Variants in LUZP2 observed in about 807,000 individuals in gnomAD.
The protein encoded by LUZP2 is leucine zipper protein 2.
LUZP2 carries 52 observed loss-of-function variants against 51.6 expected under a neutral mutation model. The ratio of observed to expected loss-of-function variants is 1.01; its 90% CI spans 0.81 to 1.27. The LOEUF (loss-of-function observed/expected upper bound fraction) is 1.27, where lower values mean the gene tolerates loss of function less well. Ranked by LOEUF, LUZP2 falls within the 50% of genes most tolerant of loss-of-function variation. The probability of loss-of-function intolerance (pLI) is 0.00; values close to 1 mark genes in which losing one functional copy is unlikely to be tolerated. For synonymous variants in LUZP2, 154 were observed against 137.3 expected, an observed-to-expected ratio of 1.12 and a Z score of -0.85; for missense variants, 436 against 395.4, an observed-to-expected ratio of 1.10 and a Z score of -0.87.
chr11:24,927,654 GT>G (rs1854318515), intron 7 of LUZP2, among the ~76,000 whole-genome samples: 1 of 152,018 alleles, frequency 6.6e-6, no homozygotes, highest in African/African-American at 2.4e-5. Context: ...TTAGAGTATA[GT>G]TTGAAGTCAG....
intron 1 of LUZP2, among the ~76,000 whole-genome samples, chr11:24,597,565 A>G (rs1466397051): frequency 6.6e-6 from 1 of 152,236 alleles, no homozygotes; most frequent in Non-Finnish European, 1.5e-5. Context: ...ATGCTTCCAG[A>G]AGATAATAAC....
intron 5 of LUZP2, among the ~76,000 whole-genome samples, chr11:24,877,520 T>C (rs549331599): frequency 1.3e-5 from 2 of 152,242 alleles, no homozygotes; most frequent in South Asian, 4.2e-4. Context: ...AACAGAGGCA[T>C]GCAATGTAAA....
intron 1 of LUZP2, among the ~76,000 whole-genome samples, chr11:24,534,457 G>C: frequency 6.8e-6 from 1 of 147,810 alleles, no homozygotes; most frequent in East Asian, 2.0e-4. Context: ...TAGAAAGATA[G>C]AGCATAAGCT....
chr11:24,587,859 A>G (rs957983870), intron 1 of LUZP2, among the ~76,000 whole-genome samples: 1 of 152,096 alleles, frequency 6.6e-6, no homozygotes. Context: ...CATATTATAC[A>G]GATGTGTCAG....
chr11:24,695,734 T>C (rs1432903851), intron 1 of LUZP2, among the ~76,000 whole-genome samples: 2 of 152,084 alleles, frequency 1.3e-5, no homozygotes. Flanking sequence ...ATACATTGTA[T>C]GAGTTACTTT....
intron 7 of LUZP2, among the ~76,000 whole-genome samples, chr11:24,946,173 C>T (rs569700897): frequency 2.7e-4 from 41 of 151,720 alleles, no homozygotes; most frequent in Non-Finnish European, 4.0e-4. Flanking sequence ...TATAATATTC[C>T]ATTGGGTGGA....
chr11:25,072,484 A>G (rs1296189167), intron 10 of LUZP2, among the ~76,000 whole-genome samples: 3 of 152,090 alleles, frequency 2.0e-5, no homozygotes, highest in Admixed American at 6.6e-5. Flanking sequence ...AATTTATTAG[A>G]TTGTCTATAT....
rs1003535558 is a variant in LUZP2, at chr11:24,538,668, G to GTGTA, written c.62+41364_62+41365insGTAT. ...GTTTTTTATATGTGTGTGTGTGTGT[G>GTGTA]TATATATATATATAAAACTTTCAAA... On this transcript the variant is annotated intron_variant, in intron 1 of 11. Coordinates refer to ENST00000336930, the MANE Select transcript of LUZP2 (RefSeq NM_001009909.4). Among the ~76,000 whole-genome samples, 47 of 133,322 alleles carry GTGTA rather than the reference G, an allele frequency of 3.5e-4. No individual in the cohort carries two copies. The East Asian group carries it at 6.7e-3, about 19-fold the overall frequency. The allele number at this position is 133,322 out of a possible 152,430, so 87.5% of individuals were successfully genotyped here.
intron 3 of LUZP2, 97 bp from the exon 4 acceptor site, chr11:24,738,123 TA>T: frequency 1.3e-6 from 1 of 788,048 alleles, no homozygotes; most frequent in Non-Finnish European, 2.0e-6. Flanking sequence ...GTCTATGTCC[TA>T]AATGTATACA....
chr11:24,551,592 G>A (rs926532949), intron 1 of LUZP2, among the ~76,000 whole-genome samples: 1 of 151,930 alleles, frequency 6.6e-6, no homozygotes, highest in African/African-American at 2.4e-5. Flanking sequence ...GATGGTGTGT[G>A]AAATGTATTT....
intron 1 of LUZP2, among the ~76,000 whole-genome samples, chr11:24,518,640 G>T (rs1269652118): frequency 2.0e-5 from 3 of 152,032 alleles, no homozygotes; most frequent in African/African-American, 7.3e-5. Context: ...CATTTATTAG[G>T]GTTGTTTTCT....
chr11:24,767,208 CA>C (rs1482293093), intron 5 of LUZP2, among the ~76,000 whole-genome samples: 1 of 152,092 alleles, frequency 6.6e-6, no homozygotes, highest in Non-Finnish European at 1.5e-5. Context: ...TTCCTATATG[CA>C]AAATTGGACT....
chr11:24,881,710 G>C (rs943464962), intron 5 of LUZP2, among the ~76,000 whole-genome samples: 1 of 151,862 alleles, frequency 6.6e-6, no homozygotes. Flanking sequence ...ATGGAATAAA[G>C]TGTTTGTTAA....
intron 5 of LUZP2, among the ~76,000 whole-genome samples, chr11:24,905,733 T>C (rs1003753259): frequency 3.3e-5 from 5 of 152,112 alleles, no homozygotes; most frequent in African/African-American, 1.2e-4. Flanking sequence ...ATATCAATTA[T>C]CTTTTCTCCC....
At chr11:24,550,200 G>A (rs1851685026) in intron 1 of LUZP2, among the ~76,000 whole-genome samples, 1 of 152,016 alleles carries the variant, frequency 6.6e-6, no homozygotes, top group African/African-American at 2.4e-5. Flanking sequence ...TGCTATAAAT[G>A]TCAGTGTGTT....
chr11:24,962,247 A>T (rs186567354), intron 7 of LUZP2, among the ~76,000 whole-genome samples: 12 of 152,180 alleles, frequency 7.9e-5, no homozygotes, highest in African/African-American at 2.4e-4. Flanking sequence ...CTTCGCGAGG[A>T]GTAGAAGAGC....
chr11:24,864,792 G>A (rs1305436436), intron 5 of LUZP2, among the ~76,000 whole-genome samples: 3 of 152,126 alleles, frequency 2.0e-5, no homozygotes, highest in African/African-American at 4.8e-5. Context: ...CTCAAGGTAC[G>A]GAGAACTAAG....
chr11:24,728,087 T>C (rs905464704), intron 1 of LUZP2, among the ~76,000 whole-genome samples: 6 of 152,018 alleles, frequency 3.9e-5, no homozygotes, highest in Non-Finnish European at 8.8e-5. Context: ...AAGTTAACTG[T>C]TACATTTTAC....
chr11:24,568,884 T>C (rs566783392), intron 1 of LUZP2, among the ~76,000 whole-genome samples: 13 of 152,124 alleles, frequency 8.5e-5, no homozygotes, highest in South Asian at 2.1e-4. Context: ...CTAAGAGACA[T>C]AGTAATACAT....
Sources: allele counts gnomAD v4.1 joint callset (sites outside exome capture counted in the v4.1 genomes callset), GRCh38; gene constraint gnomAD v4.1.1; transcripts MANE v1.5; gene names NCBI Gene and HGNC (gene_info 2026-07-23, HGNC 2026-07-21).